GRM4: variants seen among roughly 807,000 people sequenced by gnomAD.
GRM4 encodes the protein glutamate metabotropic receptor 4.
GRM4 carries 28 observed loss-of-function variants against 81.7 expected under a neutral mutation model. The observed-to-expected ratio is 0.34, with a 90% CI of 0.25 to 0.47. The LOEUF is 0.47. GRM4 is among the 20% of genes least tolerant of loss of function. GRM4 has a pLI of 1.00. For synonymous variants in GRM4, 488 were observed against 528.8 expected (o/e 0.92, Z 1.06); for missense variants, 948 against 1,290.0 (o/e 0.73, Z 4.06).
intron 9 of GRM4, among the ~76,000 whole-genome samples, chr6:34,031,898 A>G (rs577760292): frequency 2.6e-4 from 39 of 152,204 alleles, no homozygotes; most frequent in African/African-American, 7.2e-4. Context: ...ACGTACCTGC[A>G]TTGACACATA....
chr6:34,035,523 G>A lies in GRM4; in HGVS notation c.2442+145C>T. 1.7e-6 allele frequency: 1 copy of A among 579,126 alleles called. No individual in the cohort carries two copies. Among genetic ancestry groups the A allele is most frequent in the Non-Finnish European group, 3.1e-6 (1 of 322,772 alleles). 35.9% of individuals were successfully genotyped at this position (579,126 alleles called of 1,614,324 possible). ...GAAGGCAGAATGAGGCATGAAAGAA[G>A]GCAGAATGAGGCAAGAAAGAAGGCA... On this transcript the variant is annotated intron_variant, in intron 9 of 10. Transcript: ENST00000538487. The surrounding 1 kb of genome is among the most constrained non-coding windows in gnomAD (Gnocchi z 6.6).
intron 2 of GRM4, among the ~76,000 whole-genome samples, chr6:34,125,858 G>A (rs1338109679): frequency 3.9e-5 from 6 of 152,158 alleles, no homozygotes; most frequent in Admixed American, 3.9e-4. Context: ...CCTCCCCTCA[G>A]GAGAACTGCC....
upstream of GRM4, among the ~76,000 whole-genome samples, chr6:34,148,630 G>A (rs139490001): frequency 2.6e-4 from 40 of 152,310 alleles, no homozygotes; most frequent in Non-Finnish European, 4.9e-4. Flanking sequence ...CCTGTAAGTC[G>A]TGCTCTGACT....
Position 34,092,219 on chromosome 6 carries a change from A to C in GRM4, c.520-120T>G. The C allele has an allele frequency of 1.5e-6, 1 of 647,724 alleles. No homozygotes were observed. Among genetic ancestry groups the C allele is most frequent in the East Asian group, 2.8e-5 (1 of 36,098 alleles). The allele number at this position is 647,724 out of a possible 1,614,324, so 40.1% of individuals were successfully genotyped here. On this transcript the variant is annotated intron_variant, in intron 2 of 10. Transcript: ENST00000538487. This position sits in a 1 kb window ranked among gnomAD's most constrained non-coding sequence, Gnocchi z 6.8. ...CACAGCCTTGGGACCACCACAGCCC[A>C]CCCCTCCCCATGGGCGATGCCTCCT...
upstream of GRM4, chr6:34,146,260 C>A (rs912567226): frequency 2.2e-5 from 10 of 455,094 alleles, no homozygotes; most frequent in Non-Finnish European, 2.3e-5. Context: ...TGAGGTGACT[C>A]CACTTGCCCC....
Position 34,080,830 on chromosome 6 carries a change from T to TCACA in GRM4, c.736+11049_736+11052dup, listed in dbSNP as rs34475739. On this transcript the variant is annotated intron_variant, in intron 3 of 10. Coordinates refer to ENST00000538487, the MANE Select transcript of GRM4 (RefSeq NM_000841.4). The surrounding 1 kb of genome is among the most constrained non-coding windows in gnomAD (Gnocchi z 5.4). Reference sequence around the variant, plus strand: ...CACTTCTCTCTTCTCTCTCTCTCTCTCACACACACACACACATACACACAC... The same window carrying TCACA: ...CACTTCTCTCTTCTCTCTCTCTCTCTCACACACACACACACACACATACACACAC... Among the ~76,000 whole-genome samples the TCACA allele has an allele frequency of 3.6e-5, 5 of 140,358 alleles. 1 individual carries two copies. The highest frequency in any genetic ancestry group is 6.1e-5 in the Non-Finnish European group (4 of 65,362). The allele number at this position is 140,358 out of a possible 152,430, so 92.1% of individuals were successfully genotyped here.
chr6:34,085,249 A>G (rs987112498), intron 3 of GRM4, among the ~76,000 whole-genome samples: 5 of 152,238 alleles, frequency 3.3e-5, no homozygotes, highest in African/African-American at 1.2e-4. Flanking sequence ...CTGGTGGAGG[A>G]CTGAGCCTCT....
chr6:34,076,204 C>T (rs1767302463), intron 3 of GRM4, among the ~76,000 whole-genome samples: 1 of 152,244 alleles, frequency 6.6e-6, no homozygotes, highest in Non-Finnish European at 1.5e-5. Context: ...AAATGAAATG[C>T]TGAGATGTAA....
chr6:34,086,846 G>A (rs1767915425), intron 3 of GRM4, among the ~76,000 whole-genome samples: 1 of 152,188 alleles, frequency 6.6e-6, no homozygotes, highest in Non-Finnish European at 1.5e-5. Flanking sequence ...CCTGGGCCAG[G>A]TGCAGTGGTT....
At position 34,122,521 on chromosome 6, in the gene GRM4, C is replaced by T. The variant is rs145940769; in HGVS notation, c.519+10457G>A. 1.4e-3 allele frequency among the ~76,000 whole-genome samples: 207 copies of T among 151,824 alleles called. 1 individual carries two copies. The highest frequency in any genetic ancestry group is 4.7e-3 in the African/African-American group (195 of 41,374). ...CAATTGGAATATAAAGCAGAATTTG[C>T]TTTCCTTTCATTTCCAACATGTCTG... On this transcript the variant is annotated intron_variant, in intron 2 of 10. Transcript: ENST00000538487.
intron 3 of GRM4, among the ~76,000 whole-genome samples, chr6:34,081,840 T>A (rs1767613751): frequency 6.6e-6 from 1 of 151,850 alleles, no homozygotes; most frequent in Non-Finnish European, 1.5e-5. Flanking sequence ...GAGCTCAGAG[T>A]GGGGGACTTG....
At chr6:34,108,399 G>A (rs1241324182) in intron 2 of GRM4, among the ~76,000 whole-genome samples, 1 of 152,338 alleles carries the variant, frequency 6.6e-6, no homozygotes, top group East Asian at 1.9e-4. Context: ...AGCTGCTAGC[G>A]CCTAGCCCAG....
intron 2 of GRM4, among the ~76,000 whole-genome samples, chr6:34,117,093 T>C (rs7771973): frequency 0.011 from 1,615 of 152,292 alleles, 20 homozygotes; most frequent in African/African-American, 0.019. Context: ...CAAATGCATT[T>C]ATAAAAGTTC....
chr6:34,149,262 C>T (rs561564939), upstream of GRM4, among the ~76,000 whole-genome samples: 1 of 152,264 alleles, frequency 6.6e-6, no homozygotes, highest in African/African-American at 2.4e-5. Flanking sequence ...CGAGCAGACC[C>T]AGAACACCTG....
upstream of GRM4, among the ~76,000 whole-genome samples, chr6:34,148,618 C>G (rs1276557978): frequency 6.6e-6 from 1 of 152,178 alleles, no homozygotes; most frequent in East Asian, 1.9e-4. Flanking sequence ...CAAGCTGCCT[C>G]CCCTGTAAGT....
At chr6:34,082,801 A>C (rs1237918077) in intron 3 of GRM4, among the ~76,000 whole-genome samples, 1 of 152,246 alleles carries the variant, frequency 6.6e-6, no homozygotes, top group Admixed American at 6.5e-5. Flanking sequence ...ACAAAGGTGG[A>C]AACTGAGGCA....
chr6:34,072,883 A>T (rs1331750663), intron 3 of GRM4, among the ~76,000 whole-genome samples: 16 of 67,158 alleles, frequency 2.4e-4, no homozygotes, highest in African/African-American at 9.0e-4. Context: ...ACACCCACAC[A>T]TCATCACACA....
chr6:34,018,671 G>A lies in GRM4; in HGVS notation c.*4150C>T, dbSNP rs568466653. On this transcript the variant is annotated 3_prime_UTR_variant, in exon 11 of 11. Coordinates refer to ENST00000538487, the MANE Select transcript of GRM4 (RefSeq NM_000841.4). ...TGGTGACATGCTTTAATTATCCACCGAGCAATGGCGGGCTGAATTACACAG... is the reference window on the plus strand; with the variant it reads ...TGGTGACATGCTTTAATTATCCACCAAGCAATGGCGGGCTGAATTACACAG... The A allele has an allele frequency of 3.4e-4, 52 of 152,106 alleles. No individual in the cohort carries two copies. The highest frequency in any genetic ancestry group is 1.2e-3 in the African/African-American group (48 of 41,464). 9.4% of individuals were successfully genotyped at this position (152,106 alleles called of 1,614,324 possible).
intron 3 of GRM4, among the ~76,000 whole-genome samples, chr6:34,077,889 A>G (rs548951002): frequency 2.4e-4 from 37 of 152,240 alleles, no homozygotes; most frequent in African/African-American, 2.9e-4. Flanking sequence ...TGCACTTCGC[A>G]CAGTGAATGA....
Sources: allele counts gnomAD v4.1 joint callset (sites outside exome capture counted in the v4.1 genomes callset), GRCh38; gene constraint gnomAD v4.1.1; non-coding constraint Gnocchi (gnomAD v3.1); transcripts MANE v1.5; gene names NCBI Gene and HGNC (gene_info 2026-07-23, HGNC 2026-07-21).